DGKB: variants seen among roughly 807,000 people sequenced by gnomAD.
DGKB encodes 90 kDa diacylglycerol kinase.
In DGKB, 67 loss-of-function variants were observed where a neutral mutation model predicts 114.3. That is an observed-to-expected ratio of 0.59 (90% CI 0.48 to 0.72). The LOEUF (loss-of-function observed/expected upper bound fraction) is 0.72. Ranked by LOEUF, DGKB falls within the 30% of genes least tolerant of loss-of-function variation. The probability of loss-of-function intolerance (pLI) is 0.00; values close to 1 mark genes in which losing one functional copy is unlikely to be tolerated. For synonymous variants in DGKB, 398 were observed against 323.1 expected, an observed-to-expected ratio of 1.23 and a Z score of -2.49; for missense variants, 907 against 975.2, an observed-to-expected ratio of 0.93 and a Z score of 0.93.
intron 1 of DGKB, among the ~76,000 whole-genome samples, chr7:14,908,518 C>T (rs1440423878): frequency 6.6e-6 from 1 of 152,176 alleles, no homozygotes; most frequent in African/African-American, 2.4e-5. Context: ...ATGCTATCAA[C>T]TGCAAATAAA....
intron 21 of DGKB, among the ~76,000 whole-genome samples, chr7:14,353,925 A>G: frequency 6.6e-6 from 1 of 152,172 alleles, no homozygotes; most frequent in South Asian, 2.1e-4. Context: ...TCACACTTAC[A>G]TGCATGAAAT....
chr7:14,391,408 C>A (rs1398770866), intron 21 of DGKB, among the ~76,000 whole-genome samples: 1 of 151,424 alleles, frequency 6.6e-6, no homozygotes, highest in African/African-American at 2.4e-5. Flanking sequence ...GGAGGCCAGA[C>A]ATGGTGGCTT....
chr7:14,238,175 G>C (rs1038750399), intron 23 of DGKB, among the ~76,000 whole-genome samples: 5 of 151,998 alleles, frequency 3.3e-5, no homozygotes, highest in African/African-American at 1.2e-4. Context: ...ATGTTGAATT[G>C]TAATTCCCAT....
At chr7:14,715,233 T>C (rs1182481299) in intron 6 of DGKB, among the ~76,000 whole-genome samples, 1 of 152,158 alleles carries the variant, frequency 6.6e-6, no homozygotes, top group Non-Finnish European at 1.5e-5. Flanking sequence ...TAAGTGAACA[T>C]AGGCTGGGAT....
intron 4 of DGKB, among the ~76,000 whole-genome samples, chr7:14,746,621 C>T (rs1833327717): frequency 6.6e-6 from 1 of 152,088 alleles, no homozygotes; most frequent in African/African-American, 2.4e-5. Flanking sequence ...GCCTCAGCCT[C>T]CCGAATAGTT....
intron 13 of DGKB, among the ~76,000 whole-genome samples, chr7:14,640,966 C>T (rs1811661455): frequency 3.9e-5 from 6 of 152,152 alleles, no homozygotes; most frequent in Admixed American, 3.9e-4. Context: ...TGTCTCTACT[C>T]TAATGCTATT....
chr7:14,496,398 T>C (rs1785313989), intron 20 of DGKB, among the ~76,000 whole-genome samples: 1 of 151,746 alleles, frequency 6.6e-6, no homozygotes, highest in African/African-American at 2.4e-5. Flanking sequence ...GGCTATGCTT[T>C]ACAAAAATGG....
At chr7:14,288,925 C>A (rs1179404749) in intron 23 of DGKB, among the ~76,000 whole-genome samples, 1 of 152,148 alleles carries the variant, frequency 6.6e-6, no homozygotes, top group Non-Finnish European at 1.5e-5. Flanking sequence ...GTGATAGCAT[C>A]CACATGGACT....
intron 4 of DGKB, among the ~76,000 whole-genome samples, chr7:14,739,733 A>C (rs1438361256): frequency 6.6e-6 from 1 of 152,144 alleles, no homozygotes; most frequent in African/African-American, 2.4e-5. Context: ...AAGGCAGAGG[A>C]AACTGCACCC....
Position 14,719,090 on chromosome 7 carries a change from G to C in DGKB, c.323-405C>G, listed in dbSNP as rs139164179. Among the ~76,000 whole-genome samples the C allele has an allele frequency of 1.8e-3, 269 of 152,290 alleles. 2 individuals carry two copies. Among genetic ancestry groups the C allele is most frequent in the African/African-American group, 5.9e-3 (246 of 41,568 alleles). On this transcript the variant is annotated intron_variant, in intron 5 of 25. Transcript: ENST00000402815. Reference sequence around the variant, plus strand: ...CAAAATACTAAAGAAAAAAATGTCAGTCTTTCACAATATAATTTCTCTATT... The same window carrying C: ...CAAAATACTAAAGAAAAAAATGTCACTCTTTCACAATATAATTTCTCTATT...
At chr7:14,791,223 G>A (rs1055024017) in intron 2 of DGKB, among the ~76,000 whole-genome samples, 5 of 152,026 alleles carry the variant, frequency 3.3e-5, no homozygotes, top group Admixed American at 6.6e-5. Flanking sequence ...ATTGTATTTT[G>A]AATTTCATTG....
intron 23 of DGKB, among the ~76,000 whole-genome samples, chr7:14,267,220 C>T (rs1222997895): frequency 1.3e-5 from 2 of 152,112 alleles, no homozygotes; most frequent in Non-Finnish European, 2.9e-5. Context: ...AGAGTGGCGG[C>T]CTCCACCTCC....
At chr7:14,247,561 T>C (rs564279165) in intron 23 of DGKB, among the ~76,000 whole-genome samples, 1 of 152,142 alleles carries the variant, frequency 6.6e-6, no homozygotes, top group Non-Finnish European at 1.5e-5. Flanking sequence ...TGAGGTGATA[T>C]CTCATTGTGA....
intron 21 of DGKB, among the ~76,000 whole-genome samples, chr7:14,430,671 T>G (rs1828320732): frequency 6.6e-6 from 1 of 152,126 alleles, no homozygotes; most frequent in South Asian, 2.1e-4. Flanking sequence ...ATAAATTGAT[T>G]TATTAGTTGA....
intron 23 of DGKB, among the ~76,000 whole-genome samples, chr7:14,274,429 T>A (rs1798703296): frequency 1.3e-5 from 2 of 152,114 alleles, no homozygotes; most frequent in Admixed American, 6.6e-5. Context: ...TACCCCAAAC[T>A]CAAAATTGTT....
rs548012857 is a variant in DGKB at position 14,145,159 on chromosome 7, T to A, written c.*3972A>T. 10 of 152,332 alleles carry A rather than the reference T, an allele frequency of 6.6e-5. No individual in the cohort carries two copies. The highest frequency in any genetic ancestry group is 2.2e-4 in the African/African-American group (9 of 41,578). 9.4% of individuals were successfully genotyped at this position (152,332 alleles called of 1,614,324 possible). A position where few individuals can be genotyped will look rare whatever the true frequency, so the allele number is the denominator to read the frequency against. On this transcript the variant is annotated 3_prime_UTR_variant, in exon 26 of 26. Transcript: ENST00000402815. ...CATGTTTTTAAACACAATAAGGTTA[T>A]ACAGAATCTCTCAAATGTGAGTTTA...
chr7:14,465,854 T>C (rs922951698), intron 21 of DGKB, among the ~76,000 whole-genome samples: 3 of 152,192 alleles, frequency 2.0e-5, no homozygotes, highest in Non-Finnish European at 4.4e-5. Flanking sequence ...GTATGGCCCA[T>C]AGGTCACACT....
intron 1 of DGKB, among the ~76,000 whole-genome samples, chr7:14,943,837 C>T (rs1471016564): frequency 6.6e-6 from 1 of 151,832 alleles, no homozygotes; most frequent in Non-Finnish European, 1.5e-5. Context: ...TTCTTTACTA[C>T]ATTTCACTAT....
At chr7:14,318,789 A>G (rs1008159862) in intron 23 of DGKB, among the ~76,000 whole-genome samples, 7 of 152,164 alleles carry the variant, frequency 4.6e-5, no homozygotes, top group African/African-American at 1.4e-4. Flanking sequence ...ATTACTGGGT[A>G]TATACCCAAA....
Sources: allele counts gnomAD v4.1 joint callset (sites outside exome capture counted in the v4.1 genomes callset), GRCh38; gene constraint gnomAD v4.1.1; transcripts MANE v1.5; gene names NCBI Gene and HGNC (gene_info 2026-07-23, HGNC 2026-07-21).